SBNO2: variants seen among roughly 807,000 people sequenced by gnomAD.
SBNO2 encodes strawberry notch homolog 2.
A neutral mutation model predicts 146.3 loss-of-function variants in SBNO2; 89 were observed. The observed-to-expected ratio is 0.61, with a 90% CI of 0.51 to 0.73. SBNO2 has a LOEUF of 0.73. Ranked by LOEUF, SBNO2 falls within the 30% of genes least tolerant of loss-of-function variation. The probability of loss-of-function intolerance (pLI) is 0.00; values close to 1 mark genes in which losing one functional copy is unlikely to be tolerated. For synonymous variants in SBNO2, 1,147 were observed against 892.6 expected, an observed-to-expected ratio of 1.29 and a Z score of -5.08; for missense variants, 2,092 against 2,003.7, an observed-to-expected ratio of 1.04 and a Z score of -0.84.
At chr19:1,132,149 G>A (rs868629492) in intron 4 of SBNO2, 3 of 1,473,476 alleles carry the variant, frequency 2.0e-6, no homozygotes, top group Non-Finnish European at 1.8e-6. Flanking sequence ...CCGGCGCTCG[G>A]GGGGCCAGGG....
chr19:1,108,591 G>A lies in SBNO2; in HGVS notation c.3730C>T (p.Pro1244Ser), dbSNP rs1199425353. ...CCGCAAGGCAGCGCCAGCGGGCGCG[G>A]GGCGGGCGGGGCGGGGCAGCCCAGG... is the stretch of plus-strand genomic sequence containing the variant. ...PALGCPAPPAPRPLALPCGPG... is the reference protein window; with the variant it reads ...PALGCPAPPASRPLALPCGPG... Residue 1244 changes from proline to serine, a missense_variant, in exon 32 of 32, where the codon CCG (proline) becomes TCG (serine). Coordinates refer to ENST00000361757, the MANE Select transcript of SBNO2 (RefSeq NM_014963.3). 2 of 1,305,458 alleles carry A rather than the reference G, an allele frequency of 1.5e-6. No homozygotes were observed. Among genetic ancestry groups the A allele is most frequent in the African/African-American group, 3.2e-5 (2 of 62,870 alleles). The allele number at this position is 1,305,458 out of a possible 1,614,324, so 80.9% of individuals were successfully genotyped here. A position where few individuals can be genotyped will look rare whatever the true frequency, so the allele number is the denominator to read the frequency against.
chr19:1,135,177 C>T (rs2145264898), intron 4 of SBNO2, among the ~76,000 whole-genome samples: 1 of 151,588 alleles, frequency 6.6e-6, no homozygotes, highest in Admixed American at 6.6e-5. Context: ...GCCTGGGCAA[C>T]ATAGTGAGAT....
At chr19:1,118,073 C>T (rs184576253) in intron 14 of SBNO2, among the ~76,000 whole-genome samples, 51 of 152,334 alleles carry the variant, frequency 3.3e-4, no homozygotes, top group African/African-American at 1.2e-3. Flanking sequence ...TGGTGGCTCA[C>T]GCCTGTAATC....
At chr19:1,130,989 G>A (rs10413076) in intron 4 of SBNO2, among the ~76,000 whole-genome samples, 2,307 of 152,284 alleles carry the variant, frequency 0.015, 57 homozygotes, top group African/African-American at 0.053. Context: ...AGGGAGACGG[G>A]GTTCCCAGGG....
In SBNO2 at chr19:1,112,695, C is replaced by T. The variant is rs898951758; in HGVS notation, c.2379+123G>A. ...GGACACCACCCGCCACACGGCCACT[C>T]GCGCCCGCACCTGGCACACACACAC... On this transcript the variant is annotated intron_variant, in intron 20 of 31. Coordinates refer to ENST00000361757, the MANE Select transcript of SBNO2 (RefSeq NM_014963.3). The surrounding 1 kb of genome is among the most constrained non-coding windows in gnomAD (Gnocchi z 5.9). The T allele has an allele frequency of 2.0e-5, 29 of 1,438,176 alleles. No homozygotes were observed. The highest frequency in any genetic ancestry group is 2.4e-5 in the Non-Finnish European group (26 of 1,089,796). 89.1% of individuals were successfully genotyped at this position (1,438,176 alleles called of 1,614,324 possible).
At chr19:1,168,082 G>T (rs1247829709) in intron 1 of SBNO2, among the ~76,000 whole-genome samples, 1 of 152,128 alleles carries the variant, frequency 6.6e-6, no homozygotes, top group African/African-American at 2.4e-5. Flanking sequence ...ATGTGGCCAG[G>T]GTTTCTAGAT....
intron 3 of SBNO2, among the ~76,000 whole-genome samples, chr19:1,147,786 C>G (rs2080207706): frequency 6.6e-6 from 1 of 152,098 alleles, no homozygotes; most frequent in South Asian, 2.1e-4. Context: ...CCCCCACACA[C>G]AGGCCCCTTG....
At position 1,109,021 on chromosome 19, in the gene SBNO2, G is replaced by A. The variant is rs1176854985; in HGVS notation, c.3426-52C>T. The A allele has an allele frequency of 1.3e-6, 2 of 1,489,218 alleles. No individual in the cohort carries two copies. The highest frequency in any genetic ancestry group is 1.3e-5 in the South Asian group (1 of 76,948). 92.3% of individuals were successfully genotyped at this position (1,489,218 alleles called of 1,614,324 possible). A position where few individuals can be genotyped will look rare whatever the true frequency, so the allele number is the denominator to read the frequency against. ...TCAGGCGGGTCCCAGGGGCCCGCAGGCTCCCCAGGTGCCCTGAGATCTCCC... is the reference window on the plus strand; with the variant it reads ...TCAGGCGGGTCCCAGGGGCCCGCAGACTCCCCAGGTGCCCTGAGATCTCCC... On this transcript the variant is annotated intron_variant, in intron 30 of 31. Transcript: ENST00000361757. The surrounding 1 kb of genome is among the most constrained non-coding windows in gnomAD (Gnocchi z 4.2).
intron 24 of SBNO2, 133 bp from the exon 25 acceptor site, chr19:1,111,226 G>A (rs2079755578): frequency 2.0e-6 from 2 of 1,020,154 alleles, no homozygotes; most frequent in Non-Finnish European, 1.4e-6. Flanking sequence ...CAGGGCCAGG[G>A]CCAGGAGCGG....
intron 4 of SBNO2, among the ~76,000 whole-genome samples, chr19:1,130,026 C>T (rs1011612080): frequency 1.3e-5 from 2 of 152,178 alleles, no homozygotes; most frequent in Admixed American, 6.5e-5. Context: ...TCCAGGGCAT[C>T]CACACCACCC....
intron 2 of SBNO2, 115 bp from the exon 3 acceptor site, chr19:1,149,557 GT>G: frequency 1.1e-6 from 1 of 907,370 alleles, no homozygotes; most frequent in South Asian, 1.5e-5. Flanking sequence ...CGCAGTCAGG[GT>G]CCCATCCCGC....
At chr19:1,111,231 G>A (rs2079755675) in intron 24 of SBNO2, 138 bp from the exon 25 acceptor site, 7 of 991,452 alleles carry the variant, frequency 7.1e-6, no homozygotes, top group Non-Finnish European at 1.0e-5. Flanking sequence ...CCAGGGCCAG[G>A]AGCGGAGCCT....
intron 1 of SBNO2, among the ~76,000 whole-genome samples, chr19:1,165,600 CCTCAGATCCCAGATCCCAGAT>C (rs1327649508): frequency 1.3e-5 from 2 of 151,112 alleles, no homozygotes; most frequent in Non-Finnish European, 3.0e-5. Context: ...AGAACCCAGA[CCTCAGATCCCAGATCCCAGAT>C]CTCAGACCCC....
intron 11 of SBNO2, among the ~76,000 whole-genome samples, chr19:1,120,395 C>A (rs1470107894): frequency 6.6e-6 from 1 of 152,228 alleles, no homozygotes; most frequent in South Asian, 2.1e-4. Context: ...GAGACAGGGT[C>A]TTGCTCTGTC....
chr19:1,122,425 C>T (rs367852170), intron 10 of SBNO2, 43 bp downstream of exon 10: 53 of 1,536,488 alleles, frequency 3.4e-5, no homozygotes, highest in African/African-American at 5.5e-5. Flanking sequence ...TTGCAGGGCA[C>T]GGTCCCCACC....
rs747811520 is a variant in SBNO2, at chr19:1,109,797, G to A, written c.3029-20C>T. The A allele has an allele frequency of 6.5e-6, 10 of 1,544,508 alleles. No individual in the cohort carries two copies. In the East Asian group the frequency reaches 6.8e-5, roughly 10 times the overall value. ...CAAGGTCTAGGGGGGCGGGTGGAGG[G>A]TAAGTGGTGTCCAGGCCTGGGACTG... On this transcript the variant is annotated intron_variant, in intron 26 of 31. Transcript: ENST00000361757. The surrounding 1 kb of genome is among the most constrained non-coding windows in gnomAD (Gnocchi z 4.2).
At chr19:1,170,387 G>A (rs939816655) in intron 1 of SBNO2, among the ~76,000 whole-genome samples, 57 of 152,176 alleles carry the variant, frequency 3.7e-4, no homozygotes, top group Non-Finnish European at 1.5e-4. Context: ...CCAACCTCCC[G>A]GGGGTTGGGG....
intron 1 of SBNO2, among the ~76,000 whole-genome samples, chr19:1,166,145 CCCCAGAT>C (rs2080421062): frequency 1.7e-5 from 2 of 115,264 alleles, no homozygotes; most frequent in Non-Finnish European, 3.8e-5. Context: ...GATCCCCAGA[CCCCAGAT>C]CCCAGACTTC....
At chr19:1,122,600 G>T in intron 9 of SBNO2, 42 bp from the exon 10 acceptor site, 8 of 479,660 alleles carry the variant, frequency 1.7e-5, no homozygotes, top group African/African-American at 7.7e-5. Flanking sequence ...CTTCCCCCTC[G>T]CCCCCCGCTT....
Sources: gnomAD v4.1 joint callset for allele counts (sites outside exome capture counted in the v4.1 genomes callset) on GRCh38, gnomAD v4.1.1 for gene constraint, Gnocchi (gnomAD v3.1) non-coding constraint, MANE v1.5 for transcripts, NCBI Gene and HGNC (gene_info 2026-07-23, HGNC 2026-07-21) for gene names.